RBFOX1: variants seen among roughly 807,000 people sequenced by gnomAD.
RBFOX1 encodes the protein RNA binding protein fox-1 homolog 1.
Under a neutral mutation model 57.7 loss-of-function variants are expected in RBFOX1, and 8 were observed. The ratio of observed to expected loss-of-function variants is 0.14; its 90% CI spans 0.08 to 0.25. The LOEUF is 0.25. Ranked by LOEUF, RBFOX1 falls within the 10% of genes least tolerant of loss-of-function variation. The pLI, the probability that RBFOX1 is intolerant of heterozygous loss-of-function variation, is 1.00. For missense variants in RBFOX1, 611 were observed against 548.5 expected, an observed-to-expected ratio of 1.11 and a Z score of -1.14; for synonymous variants, 326 against 222.4, an observed-to-expected ratio of 1.47 and a Z score of -4.15.
rs2097730626 is a variant in RBFOX1, at chr16:6,592,812, T to C, written c.-63-61791T>C. Among the ~76,000 whole-genome samples, 7 of 152,322 alleles carry C rather than the reference T, an allele frequency of 4.6e-5. 1 individual carries two copies. In the South Asian group the frequency reaches 1.5e-3, roughly 32 times the overall value. On this transcript the variant is annotated intron_variant, in intron 2 of 15. Coordinates refer to ENST00000550418, the MANE Select transcript of RBFOX1 (RefSeq NM_018723.4). ...AAATGTTCCCTGGACATTAAAATAC[T>C]GGATTCCAGTTCTATTCATCCAGGC...
intron 3 of RBFOX1, among the ~76,000 whole-genome samples, chr16:6,656,877 C>T (rs534811656): frequency 1.3e-5 from 2 of 150,024 alleles, no homozygotes; most frequent in Admixed American, 6.7e-5. Flanking sequence ...CAAGGTAACT[C>T]CTCTCCTCTC....
At chr16:7,441,831 G>A (rs2098770026) in intron 4 of RBFOX1, among the ~76,000 whole-genome samples, 2 of 152,122 alleles carry the variant, frequency 1.3e-5, no homozygotes, top group Non-Finnish European at 2.9e-5. Flanking sequence ...CCTTCGCCCA[G>A]CCTGCTTCAC....
intron 3 of RBFOX1, among the ~76,000 whole-genome samples, chr16:6,836,085 C>T (rs758883059): frequency 2.2e-4 from 34 of 152,162 alleles, no homozygotes; most frequent in Non-Finnish European, 4.9e-4. Flanking sequence ...TACAAAACGC[C>T]TGCTATAGAA....
chr16:7,444,503 A>G (rs1036262980), intron 4 of RBFOX1, among the ~76,000 whole-genome samples: 1 of 152,164 alleles, frequency 6.6e-6, no homozygotes, highest in African/African-American at 2.4e-5. Flanking sequence ...ATGTTCTGCA[A>G]AAATTCCTCT....
At chr16:6,292,220 A>G (rs867530523) in intron 1 of RBFOX1, among the ~76,000 whole-genome samples, 6 of 152,112 alleles carry the variant, frequency 3.9e-5, no homozygotes, top group African/African-American at 1.4e-4. Context: ...TGATCACACC[A>G]CTGCACTCTA....
At chr16:5,900,290 G>A (rs1232809768) in intron 4 of RBFOX1, among the ~76,000 whole-genome samples, 1 of 152,156 alleles carries the variant, frequency 6.6e-6, no homozygotes, top group South Asian at 2.1e-4. Flanking sequence ...TAGATGCTTA[G>A]CATATTACTC....
At chr16:5,497,300 G>A (rs1368609784) in intron 2 of RBFOX1, among the ~76,000 whole-genome samples, 2 of 150,326 alleles carry the variant, frequency 1.3e-5, no homozygotes, top group East Asian at 3.9e-4. Context: ...ATCATGCTGG[G>A]TATTGCCCTG....
intron 4 of RBFOX1, among the ~76,000 whole-genome samples, chr16:7,054,847 C>G (rs1055970132): frequency 4.6e-5 from 7 of 152,142 alleles, no homozygotes; most frequent in African/African-American, 1.7e-4. Flanking sequence ...TGTCAGAATT[C>G]AGGGATATAA....
chr16:6,806,941 C>G (rs889880138), intron 3 of RBFOX1, among the ~76,000 whole-genome samples: 2 of 149,946 alleles, frequency 1.3e-5, no homozygotes, highest in Non-Finnish European at 3.0e-5. Flanking sequence ...TCAAGTGATT[C>G]TCCTGCCTCA....
rs61092544 is a variant in RBFOX1, at chr16:6,376,024, C to G, written c.-64+58967C>G. Among the ~76,000 whole-genome samples, 401 of 152,298 alleles carry G rather than the reference C, an allele frequency of 2.6e-3. 2 individuals are homozygous for G. The highest frequency in any genetic ancestry group is 9.2e-3 in the African/African-American group (381 of 41,564). On this transcript the variant is annotated intron_variant, in intron 2 of 15. Coordinates refer to ENST00000550418, the MANE Select transcript of RBFOX1 (RefSeq NM_018723.4). Reference sequence around the variant, plus strand: ...TCATGACTCAGTCATCCTGTTTGAGCTCATTTACCACTTGTATAGGGGTAC... The same window carrying G: ...TCATGACTCAGTCATCCTGTTTGAGGTCATTTACCACTTGTATAGGGGTAC...
intron 2 of RBFOX1, among the ~76,000 whole-genome samples, chr16:6,580,380 T>C (rs1444013175): frequency 6.6e-6 from 1 of 152,210 alleles, no homozygotes; most frequent in Non-Finnish European, 1.5e-5. Flanking sequence ...TTGCCAATTA[T>C]CTGGAGAGGA....
At chr16:7,677,121 T>TCA (rs1555762371) in intron 14 of RBFOX1, among the ~76,000 whole-genome samples, 2 of 53,674 alleles carry the variant, frequency 3.7e-5, no homozygotes, top group African/African-American at 1.1e-4. Flanking sequence ...CGCACCTTGC[T>TCA]CACATACACA....
intron 4 of RBFOX1, among the ~76,000 whole-genome samples, chr16:6,001,675 T>C (rs924218722): frequency 2.6e-5 from 4 of 152,220 alleles, no homozygotes; most frequent in African/African-American, 9.6e-5. Flanking sequence ...TTAATTAGGA[T>C]GTTAATGTTT....
chr16:6,651,046 G>C (rs373717489), intron 2 of RBFOX1, among the ~76,000 whole-genome samples: 16 of 152,270 alleles, frequency 1.1e-4, no homozygotes, highest in African/African-American at 3.8e-4. Flanking sequence ...GGGATTACAG[G>C]CGTGCACCAA....
Position 6,835,573 on chromosome 16 carries a change from A to G in RBFOX1, c.-16+180923A>G, listed in dbSNP as rs371130919. ...TTGAGACCAGCCTGGTCAACATGGT[A>G]AAACCCCATCTCTACCAAAAATAAA... On this transcript the variant is annotated intron_variant, in intron 3 of 15. Coordinates refer to ENST00000550418, the MANE Select transcript of RBFOX1 (RefSeq NM_018723.4). Among the ~76,000 whole-genome samples, 7 of 151,638 alleles carry G rather than the reference A, an allele frequency of 4.6e-5. 1 individual carries two copies. The highest frequency in any genetic ancestry group is 1.7e-4 in the African/African-American group (7 of 41,352).
At chr16:5,971,595 G>A (rs964574019) in intron 4 of RBFOX1, among the ~76,000 whole-genome samples, 1 of 152,142 alleles carries the variant, frequency 6.6e-6, no homozygotes, top group Non-Finnish European at 1.5e-5. Context: ...TTGTGGTCTT[G>A]GATAACTAAT....
chr16:7,009,297 G>A (rs2093530264), intron 3 of RBFOX1, among the ~76,000 whole-genome samples: 1 of 135,758 alleles, frequency 7.4e-6, no homozygotes, highest in South Asian at 2.5e-4. Context: ...CTCACTCTCT[G>A]TCTCTTCCTT....
intron 4 of RBFOX1, among the ~76,000 whole-genome samples, chr16:7,272,485 C>A (rs1455876623): frequency 2.0e-5 from 3 of 152,130 alleles, no homozygotes; most frequent in Admixed American, 6.5e-5. Context: ...TGCCTGGCAC[C>A]CGTTTCCCTA....
chr16:6,572,069 T>C (rs1291115323), intron 2 of RBFOX1, among the ~76,000 whole-genome samples: 1 of 152,206 alleles, frequency 6.6e-6, no homozygotes, highest in Admixed American at 6.5e-5. Context: ...AAAAAGTGGA[T>C]TTTTCTGCCA....
Sources: allele counts gnomAD v4.1 joint callset (sites outside exome capture counted in the v4.1 genomes callset), GRCh38; gene constraint gnomAD v4.1.1; transcripts MANE v1.5; gene names NCBI Gene and HGNC (gene_info 2026-07-23, HGNC 2026-07-21).